Variants in PKHD1L1 observed in about 807,000 individuals in gnomAD.
PKHD1L1 encodes the protein PKHD1 like 1.
Under a neutral mutation model 462.9 loss-of-function variants are expected in PKHD1L1, and 434 were observed. The observed-to-expected ratio is 0.94, with a 90% CI of 0.87 to 1.02. The LOEUF (loss-of-function observed/expected upper bound fraction) is 1.02, where lower values mean the gene tolerates loss of function less well. PKHD1L1 is among the 50% of genes least tolerant of loss of function. The probability of loss-of-function intolerance (pLI) is 0.00; values close to 1 mark genes in which losing one functional copy is unlikely to be tolerated. For missense variants in PKHD1L1, 5,202 were observed against 5,096.1 expected (o/e 1.02, Z -0.63); for synonymous variants, 1,781 against 1,750.0 (o/e 1.02, Z -0.44).
chr8:109,464,331 A>G lies in PKHD1L1; in HGVS notation c.7499A>G (p.Asn2500Ser), dbSNP rs1817299583. ...GGCTGTGCAATTCACCAGGCCTATA[A>G]CAGAGCTGTTACTATTCATAACACA... ...VRGCAIHQAY[N>S]RAVTIHNTHH... The change falls in exon 49 of 78, where the codon AAC (asparagine) becomes AGC (serine). Residue 2500 changes from asparagine (N) to serine (S), a missense_variant. By Grantham distance (46) the Asn-to-Ser change is conservative. Around this residue, in one of 3 missense-constraint regions of PKHD1L1, gnomAD observed 4,497 missense variants for 4,336.8 expected, o/e 1.04. Transcript: ENST00000378402. 1.2e-6 allele frequency: 2 copies of G among 1,613,366 alleles called. No homozygotes were observed. Among genetic ancestry groups the G allele is most frequent in the Non-Finnish European group, 1.7e-6 (2 of 1,179,570 alleles).
rs1281497044 is a variant in PKHD1L1, at chr8:109,482,981, C to T, written c.9458-6C>T. 6.3e-7 allele frequency: 1 copy of T among 1,575,520 alleles called. No individual in the cohort carries two copies. Among genetic ancestry groups the T allele is most frequent in the Non-Finnish European group, 8.6e-7 (1 of 1,159,020 alleles). On this transcript the variant is annotated splice_polypyrimidine_tract_variant and splice_region_variant and intron_variant, in intron 56 of 77. Coordinates refer to ENST00000378402, the MANE Select transcript of PKHD1L1 (RefSeq NM_177531.6). ...GAATAAGTAGGAGTGTGCTTTTCTT[C>T]TTTAGGGGTGTTTGGTGAGCTGGAT...
intron 21 of PKHD1L1, among the ~76,000 whole-genome samples, chr8:109,417,357 T>TG (rs1814233446): frequency 6.6e-6 from 1 of 152,064 alleles, no homozygotes. Flanking sequence ...AAACTAAAAA[T>TG]TTTTTAAAAA....
chr8:109,382,022 AC>A lies in PKHD1L1; in HGVS notation c.309-440del, dbSNP rs571445332. Among the ~76,000 whole-genome samples the A allele has an allele frequency of 1.1e-3, 160 of 152,274 alleles. 1 individual carries two copies. Among genetic ancestry groups the A allele is most frequent in the African/African-American group, 3.7e-3 (155 of 41,568 alleles). On this transcript the variant is annotated intron_variant, in intron 3 of 77. Transcript: ENST00000378402. ...AATATTGAACTTAGAAACAGATAGC[AC>A]ATATTCTAGAGGATTTCATTTATCT...
intron 6 of PKHD1L1, among the ~76,000 whole-genome samples, chr8:109,388,061 T>C (rs1257672649): frequency 6.6e-6 from 1 of 152,210 alleles, no homozygotes; most frequent in East Asian, 1.9e-4. Flanking sequence ...ATGATAACTT[T>C]GTGCTGTCTG....
rs1818850892 is a variant in PKHD1L1 at position 109,491,947 on chromosome 8, C to A, written c.10189C>A (p.Gln3397Lys). 6.3e-7 allele frequency: 1 copy of A among 1,595,728 alleles called. No individual in the cohort carries two copies. Among genetic ancestry groups the A allele is most frequent in the Non-Finnish European group, 8.6e-7 (1 of 1,168,786 alleles). Residue 3397 changes from glutamine to lysine, a missense_variant, in exon 62 of 78, where the codon CAG becomes AAG. By Grantham distance (53) the Gln-to-Lys change is moderately conservative. Coordinates refer to ENST00000378402, the MANE Select transcript of PKHD1L1 (RefSeq NM_177531.6). ...IALSVWPGTY[Q>K]NRKDLSSTLW... ...ACTTTCGGTTTGGCCAGGAACCTAT[C>A]AGAACAGAAAAGATTTAAGTTCAAC... is the stretch of plus-strand genomic sequence containing the variant.
intron 35 of PKHD1L1, 142 bp from the exon 36 acceptor site, chr8:109,442,804 C>T: frequency 2.7e-6 from 2 of 734,872 alleles, no homozygotes; most frequent in Non-Finnish European, 4.3e-6. Context: ...TTACTACATT[C>T]TGTTGACATT....
At chr8:109,454,992 C>A in intron 45 of PKHD1L1, 140 bp downstream of exon 45, 1 of 1,157,912 alleles carries the variant, frequency 8.6e-7, no homozygotes, top group South Asian at 2.1e-5. Context: ...GATATCCCCT[C>A]TTTACCCCTT....
chr8:109,486,643 T>C lies in PKHD1L1; in HGVS notation c.9707-5T>C. On this transcript the variant is annotated splice_polypyrimidine_tract_variant and splice_region_variant and intron_variant, in intron 58 of 77. Coordinates refer to ENST00000378402, the MANE Select transcript of PKHD1L1 (RefSeq NM_177531.6). ...GGCAATAATCTAGCTGCCTTTATAC[T>C]GCAGCTGAAAAATACCATGTCCCTG... 6.2e-7 allele frequency: 1 copy of C among 1,610,348 alleles called. No homozygotes were observed. Among genetic ancestry groups the C allele is most frequent in the Non-Finnish European group, 8.5e-7 (1 of 1,177,822 alleles).
At chr8:109,505,074 G>A (rs1458916852) in intron 68 of PKHD1L1, among the ~76,000 whole-genome samples, 2 of 151,896 alleles carry the variant, frequency 1.3e-5, no homozygotes, top group Non-Finnish European at 1.5e-5. Flanking sequence ...TATTTTTGTA[G>A]AGACAGGGTC....
rs1478274295 is a variant in PKHD1L1, at chr8:109,534,386, C to A, written c.*4296C>A. The stretch of plus-strand genomic sequence containing the variant: ...GCTGAGGCAGGAGAATGGTGTGAAC[C>A]CAGGAGGCGGAGCTTGCAGTGAGCT... On this transcript the variant is annotated 3_prime_UTR_variant, in exon 78 of 78. Coordinates refer to ENST00000378402, the MANE Select transcript of PKHD1L1 (RefSeq NM_177531.6). 3.3e-5 allele frequency among the ~76,000 whole-genome samples: 5 copies of A among 152,068 alleles called. No homozygotes were observed. Among genetic ancestry groups the A allele is most frequent in the African/African-American group, 1.2e-4 (5 of 41,410 alleles).
intron 2 of PKHD1L1, among the ~76,000 whole-genome samples, chr8:109,366,678 T>C (rs532686702): frequency 2.7e-5 from 4 of 149,108 alleles, no homozygotes; most frequent in East Asian, 2.0e-4. Context: ...TTATGACCAT[T>C]CCTGTGGTTA....
At chr8:109,426,238 TATTA>T (rs1735722568) in intron 24 of PKHD1L1, among the ~76,000 whole-genome samples, 1 of 149,924 alleles carries the variant, frequency 6.7e-6, no homozygotes, top group South Asian at 2.1e-4. Context: ...TTAACATTGT[TATTA>T]ATTTAATCAA....
In PKHD1L1 at chr8:109,533,207, A is replaced by G. The variant is rs1821078577; in HGVS notation, c.*3117A>G. Among the ~76,000 whole-genome samples, 1 of 152,232 alleles carries G rather than the reference A, an allele frequency of 6.6e-6. No individual in the cohort carries two copies. The highest frequency in any genetic ancestry group is 1.5e-5 in the Non-Finnish European group (1 of 68,044). On this transcript the variant is annotated 3_prime_UTR_variant, in exon 78 of 78. Coordinates refer to ENST00000378402, the MANE Select transcript of PKHD1L1 (RefSeq NM_177531.6). ...TCAAATTCTTGGTTTCTACTTTACC[A>G]CTTCTATGCCCTCAGGCAAGTTCTT...
Position 109,445,469 on chromosome 8 carries a change from A to G in PKHD1L1, c.5600A>G (p.Asp1867Gly). 2 of 1,613,918 alleles carry G rather than the reference A, an allele frequency of 1.2e-6. No homozygotes were observed. The highest frequency in any genetic ancestry group is 8.5e-7 in the Non-Finnish European group (1 of 1,179,862). ...GGCAACACTACAGTCACTATTGGGG[A>G]TGAACCTTGTCAAATTATTTCCATC... Reference protein sequence around the residue: ...YPGNTTVTIGDEPCQIISINP... With the variant: ...YPGNTTVTIGGEPCQIISINP... The change falls in exon 38 of 78, where the codon GAT (aspartate) becomes GGT (glycine). Residue 1867 changes from aspartate (D) to glycine (G), a missense_variant. Asp to Gly is a moderately conservative substitution (Grantham distance 94, BLOSUM62 -1). This residue lies in a region of PKHD1L1 where 4,497 missense variants were observed against 4,336.8 expected (regional missense o/e 1.04). Transcript: ENST00000378402.
chr8:109,476,790 C>A, intron 52 of PKHD1L1, 123 bp downstream of exon 52: 1 of 845,546 alleles, frequency 1.2e-6, no homozygotes, highest in Non-Finnish European at 1.7e-6. Flanking sequence ...TAAATGTTTG[C>A]TGAATGGAAA....
intron 68 of PKHD1L1, among the ~76,000 whole-genome samples, chr8:109,505,384 A>G (rs1179231479): frequency 6.6e-6 from 1 of 152,178 alleles, no homozygotes. Context: ...TAGAACAATG[A>G]TTTTCTGATC....
At chr8:109,366,691 A>ATT (rs373076991) in intron 2 of PKHD1L1, among the ~76,000 whole-genome samples, 24,324 of 137,514 alleles carry the variant, frequency 0.18, 2,363 homozygotes, top group South Asian at 0.28. Flanking sequence ...TGTGGTTATG[A>ATT]TTTTTTTTTT....
chr8:109,463,082 G>C (rs1323881117), intron 48 of PKHD1L1, among the ~76,000 whole-genome samples: 4 of 151,930 alleles, frequency 2.6e-5, no homozygotes, highest in African/African-American at 9.7e-5. Context: ...TTATTTTACA[G>C]ATGTTGTCTT....
intron 12 of PKHD1L1, among the ~76,000 whole-genome samples, chr8:109,399,439 T>C (rs1418988084): frequency 6.6e-6 from 1 of 152,076 alleles, no homozygotes; most frequent in Non-Finnish European, 1.5e-5. Flanking sequence ...GAGAGATGGC[T>C]CTTTTCTGAT....
Sources: allele counts gnomAD v4.1 joint callset (sites outside exome capture counted in the v4.1 genomes callset), GRCh38; gene constraint gnomAD v4.1.1; regional missense constraint gnomAD v4.1.1; transcripts MANE v1.5; gene names NCBI Gene and HGNC (gene_info 2026-07-23, HGNC 2026-07-21).